The following KPNB1 variants were observed in gnomAD, a reference collection of about 807,000 sequenced individuals.
KPNB1 encodes the protein karyopherin subunit beta 1.
Under a neutral mutation model 113.0 loss-of-function variants are expected in KPNB1, and 7 were observed. That is an observed-to-expected ratio of 0.06 (90% CI 0.04 to 0.12). KPNB1 has a LOEUF of 0.12. KPNB1 is among the 10% of genes least tolerant of loss of function. The probability of loss-of-function intolerance (pLI) is 1.00; values close to 1 mark genes in which losing one functional copy is unlikely to be tolerated. For missense variants in KPNB1, 400 were observed against 1,054.8 expected (o/e 0.38, Z 8.60); for synonymous variants, 363 against 378.6 (o/e 0.96, Z 0.48).
At chr17:47,650,485 T>A (rs1446283427) in intron 2 of KPNB1, 41 bp downstream of exon 2, 2 of 1,572,250 alleles carry the variant, frequency 1.3e-6, no homozygotes, top group African/African-American at 2.7e-5. Flanking sequence ...CGCGTCCCCA[T>A]CCCCTGCGTG....
chr17:47,678,469 T>C lies in KPNB1; in HGVS notation c.2353+56T>C. 7.3e-6 allele frequency: 9 copies of C among 1,230,140 alleles called. No individual in the cohort carries two copies. The South Asian group carries it at 1.1e-4, about 15-fold the overall frequency. 76.2% of individuals were successfully genotyped at this position (1,230,140 alleles called of 1,614,324 possible). A position where few individuals can be genotyped will look rare whatever the true frequency, so the allele number is the denominator to read the frequency against. On this transcript the variant is annotated intron_variant, in intron 19 of 21. Coordinates refer to ENST00000290158, the MANE Select transcript of KPNB1 (RefSeq NM_002265.6). ...GCTCGCCAATGTGCACTTAGCCAAG[T>C]GGGCTATGTCTGTCATTCTGTAGCT...
At chr17:47,667,138 T>C (rs2143136914) in intron 9 of KPNB1, among the ~76,000 whole-genome samples, 1 of 152,100 alleles carries the variant, frequency 6.6e-6, no homozygotes, top group South Asian at 2.1e-4. Flanking sequence ...TGGGGTGGCG[T>C]TGGGGGGTAC....
intron 3 of KPNB1, among the ~76,000 whole-genome samples, chr17:47,654,441 G>A (rs1007377046): frequency 1.9e-4 from 28 of 149,318 alleles, no homozygotes; most frequent in Middle Eastern, 3.5e-3. Context: ...AAAAAAATTA[G>A]ATAATTTGTA....
At chr17:47,679,377 G>C (rs1340360849) in intron 19 of KPNB1, among the ~76,000 whole-genome samples, 2 of 152,082 alleles carry the variant, frequency 1.3e-5, no homozygotes, top group Non-Finnish European at 2.9e-5. Context: ...CTAAATTGGA[G>C]GACTGGGGAG....
At chr17:47,671,278 G>A (rs1364892833) in intron 12 of KPNB1, among the ~76,000 whole-genome samples, 1 of 152,098 alleles carries the variant, frequency 6.6e-6, no homozygotes, top group Non-Finnish European at 1.5e-5. Flanking sequence ...TTCCATGATT[G>A]ATTGATTGGT....
Position 47,650,206 on chromosome 17 carries a change from G to C in KPNB1, c.-39G>C, listed in dbSNP as rs772331800. ...GAGCCGCCGCCCGAAAGGCCGGGCC[G>C]TCGTCTTAGGAGGAGTCGCCGCCGC... On this transcript the variant is annotated 5_prime_UTR_variant, in exon 1 of 22. Coordinates refer to ENST00000290158, the MANE Select transcript of KPNB1 (RefSeq NM_002265.6). 1.3e-6 allele frequency: 2 copies of C among 1,520,934 alleles called. No individual in the cohort carries two copies. Among genetic ancestry groups the C allele is most frequent in the African/African-American group, 1.5e-5 (1 of 67,680 alleles). 94.2% of individuals were successfully genotyped at this position (1,520,934 alleles called of 1,614,324 possible).
intron 2 of KPNB1, among the ~76,000 whole-genome samples, chr17:47,651,642 ATCTT>A (rs1915573642): frequency 6.6e-6 from 1 of 152,138 alleles, no homozygotes; most frequent in Non-Finnish European, 1.5e-5. Context: ...AAAGCTTTTT[ATCTT>A]ATTCCTAACA....
Position 47,668,232 on chromosome 17 carries a change from G to A in KPNB1, c.1046G>A (p.Gly349Glu). 6.2e-7 allele frequency: 1 copy of A among 1,614,136 alleles called. No homozygotes were observed. The highest frequency in any genetic ancestry group is 8.5e-7 in the Non-Finnish European group (1 of 1,180,016). ...GACTGGAACCCCTGCAAAGCAGCAG[G>A]GGTGTGCCTCATGCTTCTGGCCACC... Reference protein sequence around the residue: ...DDDWNPCKAAGVCLMLLATCC... With the variant: ...DDDWNPCKAAEVCLMLLATCC... Residue 349 changes from glycine (G) to glutamate (E), a missense_variant, in exon 10 of 22, where the codon GGG (glycine) becomes GAG (glutamate). Transcript: ENST00000290158.
At chr17:47,675,387 T>TA (rs2030584688) in intron 15 of KPNB1, among the ~76,000 whole-genome samples, 1 of 106,468 alleles carries the variant, frequency 9.4e-6, no homozygotes, top group Non-Finnish European at 1.9e-5. Flanking sequence ...TTTTTTTTGT[T>TA]TGTTTTTTTT....
chr17:47,670,945 TA>T (rs2030425886), intron 12 of KPNB1, 113 bp downstream of exon 12: 1 of 963,348 alleles, frequency 1.0e-6, no homozygotes, highest in Non-Finnish European at 1.5e-6. Flanking sequence ...GACAAGACTC[TA>T]CCTTCTCTAG....
intron 12 of KPNB1, chr17:47,672,009 A>C (rs1224525165): frequency 7.5e-6 from 1 of 134,208 alleles, no homozygotes; most frequent in Non-Finnish European, 1.6e-5. Context: ...GCTGAGCACA[A>C]AATCTTCCTT....
chr17:47,669,091 CT>C (rs58910821), intron 10 of KPNB1, among the ~76,000 whole-genome samples: 22 of 147,814 alleles, frequency 1.5e-4, no homozygotes, highest in Non-Finnish European at 1.5e-4. Flanking sequence ...CTGAGTAATT[CT>C]TTTTTTTTTT....
chr17:47,664,953 A>G, intron 8 of KPNB1, 104 bp from the exon 9 acceptor site: 1 of 821,794 alleles, frequency 1.2e-6, no homozygotes, highest in Non-Finnish European at 2.1e-6. Flanking sequence ...TTGTCCTTGT[A>G]TGTTTCTGTT....
At chr17:47,659,803 A>C (rs1401287792) in intron 5 of KPNB1, among the ~76,000 whole-genome samples, 1 of 152,136 alleles carries the variant, frequency 6.6e-6, no homozygotes, top group African/African-American at 2.4e-5. Context: ...GCTACTTGGG[A>C]AGCTGAGGTG....
At chr17:47,663,045 G>T (rs757792680) in intron 6 of KPNB1, 44 bp from the exon 7 acceptor site, 5 of 1,014,172 alleles carry the variant, frequency 4.9e-6, no homozygotes, top group Non-Finnish European at 7.9e-6. Flanking sequence ...TTGTCAGATT[G>T]CGTTGTTATT....
Position 47,674,622 on chromosome 17 carries a change from C to A in KPNB1, c.1768-16C>A. 6.2e-7 allele frequency: 1 copy of A among 1,610,580 alleles called. No homozygotes were observed. The stretch of plus-strand genomic sequence containing the variant: ...ATTTGGAATCAACTGATCTTGAACT[C>A]TTACTCATTTCACAGAATGTTCTTC... On this transcript the variant is annotated splice_polypyrimidine_tract_variant and intron_variant, in intron 14 of 21. Transcript: ENST00000290158.
intron 14 of KPNB1, 153 bp downstream of exon 14, chr17:47,673,714 T>G: frequency 1.6e-6 from 1 of 632,428 alleles, no homozygotes; most frequent in Non-Finnish European, 2.8e-6. Flanking sequence ...ATTGGTTGAT[T>G]GGGAGAGGAA....
At chr17:47,676,265 T>C in intron 15 of KPNB1, 144 bp from the exon 16 acceptor site, 2 of 643,028 alleles carry the variant, frequency 3.1e-6, no homozygotes, top group South Asian at 1.8e-5. Context: ...AATGTCTTCA[T>C]GATGGAATCG....
At chr17:47,657,811 C>T (rs1052296281) in intron 4 of KPNB1, among the ~76,000 whole-genome samples, 9 of 152,192 alleles carry the variant, frequency 5.9e-5, no homozygotes, top group African/African-American at 2.2e-4. Flanking sequence ...TCTGGATTGC[C>T]AGTACCATGA....
Sources: allele counts gnomAD v4.1 joint callset (sites outside exome capture counted in the v4.1 genomes callset), GRCh38; gene constraint gnomAD v4.1.1; transcripts MANE v1.5; gene names NCBI Gene and HGNC (gene_info 2026-07-23, HGNC 2026-07-21).